Variants in SS18 observed in about 807,000 individuals in gnomAD.
SS18 encodes protein SSXT.
SS18 carries 28 observed loss-of-function variants against 72.5 expected under a neutral mutation model. That is an observed-to-expected ratio of 0.39 (90% confidence interval 0.29 to 0.53). SS18 has a LOEUF of 0.53. Ranked by LOEUF, SS18 falls within the 20% of genes least tolerant of loss-of-function variation. The pLI is 0.76. For synonymous variants in SS18, 172 were observed against 164.2 expected (o/e 1.05, Z -0.37); for missense variants, 518 against 535.3 (o/e 0.97, Z 0.32).
Position 26,052,863 on chromosome 18 carries a change from C to A in SS18, c.386-18G>T. On this transcript the variant is annotated intron_variant, in intron 4 of 10. Transcript: ENST00000415083. ...GTTAGGCCCTTTGAAGAAAAATGATCAGAAGCAAAATATGAAAGTTAAACA... is the reference window on the plus strand; with the variant it reads ...GTTAGGCCCTTTGAAGAAAAATGATAAGAAGCAAAATATGAAAGTTAAACA... The A allele has an allele frequency of 6.2e-7, 1 of 1,603,052 alleles. No homozygotes were observed. The highest frequency in any genetic ancestry group is 1.1e-5 in the South Asian group (1 of 90,376).
chr18:26,031,262 T>A (rs111796656), intron 10 of SS18, among the ~76,000 whole-genome samples: 1 of 152,206 alleles, frequency 6.6e-6, no homozygotes. Flanking sequence ...TCTGTTCTTA[T>A]GCTTTTTGTA....
At chr18:26,029,626 T>G (rs1459242126) in intron 10 of SS18, among the ~76,000 whole-genome samples, 1 of 152,200 alleles carries the variant, frequency 6.6e-6, no homozygotes, top group African/African-American at 2.4e-5. Context: ...AACCACTGTT[T>G]ACTGGATAGC....
At chr18:26,083,659 A>G (rs1381016502) in intron 2 of SS18, among the ~76,000 whole-genome samples, 1 of 152,194 alleles carries the variant, frequency 6.6e-6, no homozygotes, top group East Asian at 1.9e-4. Flanking sequence ...TGCAGTAGGA[A>G]GATGGTATTA....
chr18:26,034,416 C>T (rs574683421), intron 9 of SS18, among the ~76,000 whole-genome samples: 1 of 152,180 alleles, frequency 6.6e-6, no homozygotes, highest in East Asian at 1.9e-4. Context: ...AGTCAGATAT[C>T]CAGGTAGCAG....
intron 5 of SS18, among the ~76,000 whole-genome samples, chr18:26,051,079 G>A (rs2143969237): frequency 1.3e-5 from 2 of 152,142 alleles, no homozygotes; most frequent in Middle Eastern, 6.8e-3. Context: ...GCTCATGCCT[G>A]TAATCCCAGG....
intron 3 of SS18, among the ~76,000 whole-genome samples, chr18:26,068,941 A>G (rs1161597713): frequency 3.9e-5 from 6 of 152,208 alleles, no homozygotes; most frequent in Admixed American, 3.3e-4. Context: ...CAAACGCAGT[A>G]CTCACAATGA....
At chr18:26,023,841 T>A (rs1054851701) in intron 10 of SS18, among the ~76,000 whole-genome samples, 4 of 105,036 alleles carry the variant, frequency 3.8e-5, no homozygotes, top group East Asian at 2.7e-4. Context: ...AATTTAAAAA[T>A]TTTTTTTTCC....
intron 2 of SS18, among the ~76,000 whole-genome samples, chr18:26,087,119 T>C (rs996954040): frequency 6.6e-6 from 1 of 152,194 alleles, no homozygotes; most frequent in Non-Finnish European, 1.5e-5. Context: ...TGGTTCAACA[T>C]GGATGAACCT....
intron 3 of SS18, among the ~76,000 whole-genome samples, chr18:26,071,833 GA>G (rs907310383): frequency 4.1e-5 from 6 of 145,818 alleles, no homozygotes; most frequent in Admixed American, 1.4e-4. Flanking sequence ...GTCTCCAGAG[GA>G]AAAAAAAAAG....
intron 7 of SS18, among the ~76,000 whole-genome samples, chr18:26,036,243 T>A (rs577360492): frequency 6.7e-4 from 102 of 152,212 alleles, no homozygotes; most frequent in African/African-American, 2.0e-3. Flanking sequence ...CACATGTAAA[T>A]AACCTAAATT....
chr18:26,047,946 A>G (rs1450953332), intron 5 of SS18, among the ~76,000 whole-genome samples: 1 of 152,258 alleles, frequency 6.6e-6, no homozygotes. Flanking sequence ...GACTTAACCT[A>G]TAAACAACTC....
In SS18 at chr18:26,025,161, C is replaced by G. The variant is rs546037030; in HGVS notation, c.1231-6781G>C. 9.7e-4 allele frequency among the ~76,000 whole-genome samples: 147 copies of G among 151,402 alleles called. 3 individuals carry two copies. Among genetic ancestry groups the G allele is most frequent in the Non-Finnish European group, 3.2e-4 (22 of 67,864 alleles). On this transcript the variant is annotated intron_variant, in intron 10 of 10. Coordinates refer to ENST00000415083, the MANE Select transcript of SS18 (RefSeq NM_001007559.3). ...TGCACACTTCTGATGTGTTGTGGGT[C>G]AAAAAAGAAATAAAAAGTGAAACCA... is the stretch of plus-strand genomic sequence containing the variant.
chr18:26,062,979 T>G (rs879609616), intron 3 of SS18, among the ~76,000 whole-genome samples: 12 of 152,202 alleles, frequency 7.9e-5, no homozygotes, highest in Non-Finnish European at 1.8e-4. Flanking sequence ...AAAAACCCTA[T>G]GAATATAAAA....
chr18:26,082,456 T>C, intron 2 of SS18: 1 of 981,888 alleles, frequency 1.0e-6, no homozygotes, highest in Non-Finnish European at 1.2e-6. Flanking sequence ...TCTTTTAAAT[T>C]ACGATGAATG....
intron 5 of SS18, among the ~76,000 whole-genome samples, chr18:26,044,244 A>C (rs1033353350): frequency 3.3e-5 from 5 of 152,162 alleles, no homozygotes; most frequent in Admixed American, 2.6e-4. Flanking sequence ...TACTATACTT[A>C]AGTGAATTTG....
chr18:26,064,618 A>G (rs954397061), intron 3 of SS18, among the ~76,000 whole-genome samples: 4 of 152,084 alleles, frequency 2.6e-5, no homozygotes, highest in Non-Finnish European at 4.4e-5. Context: ...GAGCACTCTT[A>G]AAACAAAAAT....
At chr18:26,027,603 C>T (rs1417512708) in intron 10 of SS18, among the ~76,000 whole-genome samples, 10 of 127,726 alleles carry the variant, frequency 7.8e-5, no homozygotes, top group Non-Finnish European at 1.6e-4. Flanking sequence ...ACCCGGAAGG[C>T]GGTGGTTGCA....
intron 10 of SS18, among the ~76,000 whole-genome samples, chr18:26,021,608 G>A (rs1392756991): frequency 1.3e-5 from 2 of 152,200 alleles, no homozygotes; most frequent in Admixed American, 6.5e-5. Context: ...CTACTGCGAT[G>A]AAGACAGGAG....
Position 26,032,454 on chromosome 18 carries a change from G to A in SS18, c.1175C>T (p.Pro392Leu). 1 of 1,613,806 alleles carries A rather than the reference G, an allele frequency of 6.2e-7. No individual in the cohort carries two copies. Among genetic ancestry groups the A allele is most frequent in the Non-Finnish European group, 8.5e-7 (1 of 1,179,858 alleles). ...TGGCTGTGGTGGTCCAGGCTGTGTT[G>A]GTCTATATCCTCCATACTGCTGACC... ...GQGQQYGGYRPTQPGPPQPPQ... is the reference protein window; with the variant it reads ...GQGQQYGGYRLTQPGPPQPPQ... Residue 392 changes from proline to leucine, a missense_variant, in exon 10 of 11, where the codon CCA (proline) becomes CTA (leucine). Physicochemically the swap from Pro to Leu is moderately conservative, Grantham distance 98. Transcript: ENST00000415083.
Sources: gnomAD v4.1 joint callset for allele counts (sites outside exome capture counted in the v4.1 genomes callset) on GRCh38, gnomAD v4.1.1 for gene constraint, MANE v1.5 for transcripts, NCBI Gene and HGNC (gene_info 2026-07-23, HGNC 2026-07-21) for gene names.